RORA: variants seen among roughly 807,000 people sequenced by gnomAD.
The protein encoded by RORA is RAR related orphan receptor A.
In RORA, 7 loss-of-function variants were observed where a neutral mutation model predicts 69.5. That is an observed-to-expected ratio of 0.10 (90% CI 0.06 to 0.19). RORA has a LOEUF of 0.19. Among genes scored for constraint, RORA ranks in the 10% least tolerant of loss-of-function variants. The probability of loss-of-function intolerance (pLI) is 1.00; values close to 1 mark genes in which losing one functional copy is unlikely to be tolerated. For synonymous variants in RORA, 261 were observed against 240.8 expected, an observed-to-expected ratio of 1.08 and a Z score of -0.78; for missense variants, 457 against 663.0, an observed-to-expected ratio of 0.69 and a Z score of 3.41.
At chr15:60,529,088 A>G (rs1483877445) in intron 3 of RORA, 3 of 152,236 alleles carry the variant, frequency 2.0e-5, no homozygotes, top group Admixed American at 6.5e-5. Context: ...TATTTCAGCA[A>G]TTAAACAGGT....
At chr15:61,063,089 A>C (rs907156513) in intron 1 of RORA, among the ~76,000 whole-genome samples, 1 of 152,226 alleles carries the variant, frequency 6.6e-6, no homozygotes, top group Non-Finnish European at 1.5e-5. Context: ...GGAGAACACA[A>C]CTGCAGTTGC....
Position 61,107,018 on chromosome 15 carries a change from G to C in RORA, c.166+122035C>G, listed in dbSNP as rs114580798. The stretch of plus-strand genomic sequence containing the variant: ...CCTCTCCTCCTACACACATCATCCT[G>C]AACATGGTCACTGAGCAGCCAGCAT... On this transcript the variant is annotated intron_variant, in intron 1 of 10. Coordinates refer to ENST00000335670, the MANE Select transcript of RORA (RefSeq NM_134261.3). Among the ~76,000 whole-genome samples the C allele has an allele frequency of 5.2e-3, 794 of 152,242 alleles. 3 individuals carry two copies. Among genetic ancestry groups the C allele is most frequent in the Middle Eastern group, 0.02 (6 of 294 alleles).
intron 1 of RORA, among the ~76,000 whole-genome samples, chr15:60,984,244 A>T (rs1277630927): frequency 6.6e-6 from 1 of 152,128 alleles, no homozygotes; most frequent in African/African-American, 2.4e-5. Context: ...TAAAAATTAC[A>T]CTTTCCCTAT....
chr15:61,106,291 G>C (rs933838993), intron 1 of RORA, among the ~76,000 whole-genome samples: 2 of 152,178 alleles, frequency 1.3e-5, no homozygotes, highest in Non-Finnish European at 2.9e-5. Flanking sequence ...AGTATAGCCA[G>C]ACAGGAAAGA....
At chr15:60,688,423 T>C (rs1055294659) in intron 1 of RORA, among the ~76,000 whole-genome samples, 2 of 152,156 alleles carry the variant, frequency 1.3e-5, no homozygotes, top group African/African-American at 4.8e-5. Flanking sequence ...GAAAGAAAAG[T>C]TAATATTAAA....
chr15:60,527,453 T>C (rs1178549120), intron 3 of RORA, among the ~76,000 whole-genome samples: 1 of 152,264 alleles, frequency 6.6e-6, no homozygotes, highest in Non-Finnish European at 1.5e-5. Context: ...AGTGTTACCA[T>C]GGCCTTTTCT....
chr15:60,513,508 A>G (rs1436410722), intron 4 of RORA, among the ~76,000 whole-genome samples: 1 of 152,222 alleles, frequency 6.6e-6, no homozygotes, highest in Admixed American at 6.5e-5. Flanking sequence ...CCAGCTCTTG[A>G]GAAAATGCAC....
chr15:60,760,678 A>G (rs1278004377), intron 1 of RORA, among the ~76,000 whole-genome samples: 1 of 152,204 alleles, frequency 6.6e-6, no homozygotes, highest in Non-Finnish European at 1.5e-5. Flanking sequence ...AGTGCTGTGA[A>G]AATGCTAGGG....
intron 1 of RORA, among the ~76,000 whole-genome samples, chr15:60,989,273 A>T (rs1356571222): frequency 2.0e-5 from 3 of 152,136 alleles, no homozygotes; most frequent in Admixed American, 2.0e-4. Context: ...TTTTGTCTCT[A>T]TGGATTTGCC....
chr15:60,627,201 T>C, intron 2 of RORA: 2 of 1,596,170 alleles, frequency 1.3e-6, no homozygotes, highest in Non-Finnish European at 1.7e-6. Context: ...TACACAGTGA[T>C]CAGCAGAGCA....
chr15:60,850,665 G>A (rs977527631), intron 1 of RORA, among the ~76,000 whole-genome samples: 2 of 152,144 alleles, frequency 1.3e-5, no homozygotes, highest in African/African-American at 4.8e-5. Flanking sequence ...AGACAGAGCA[G>A]AGCTGGTTTC....
intron 1 of RORA, among the ~76,000 whole-genome samples, chr15:60,949,258 T>C (rs1893004392): frequency 1.3e-5 from 2 of 152,290 alleles, no homozygotes; most frequent in East Asian, 1.9e-4. Flanking sequence ...CCAGCCAAAC[T>C]GTCTCCTACT....
intron 1 of RORA, among the ~76,000 whole-genome samples, chr15:61,117,832 A>G (rs1409008710): frequency 6.6e-6 from 1 of 152,216 alleles, no homozygotes; most frequent in Non-Finnish European, 1.5e-5. Flanking sequence ...TGCAATAACG[A>G]TAGACATATT....
intron 1 of RORA, among the ~76,000 whole-genome samples, chr15:61,199,992 T>C (rs1382341455): frequency 6.6e-6 from 1 of 152,208 alleles, no homozygotes; most frequent in Non-Finnish European, 1.5e-5. Context: ...TCCAAGACCT[T>C]GTTTTGCAGG....
At chr15:61,164,961 C>T (rs1274646004) in intron 1 of RORA, among the ~76,000 whole-genome samples, 3 of 152,132 alleles carry the variant, frequency 2.0e-5, no homozygotes, top group Non-Finnish European at 4.4e-5. Context: ...GACAGATCGG[C>T]AGCTTTACCC....
intron 1 of RORA, among the ~76,000 whole-genome samples, chr15:60,863,090 C>T (rs556502241): frequency 5.3e-5 from 8 of 152,288 alleles, no homozygotes; most frequent in African/African-American, 1.9e-4. Flanking sequence ...TAAACAGTTT[C>T]TTGGGTCTAT....
chr15:60,614,823 A>T (rs1048403552), intron 2 of RORA: 4 of 1,193,886 alleles, frequency 3.4e-6, no homozygotes, highest in Admixed American at 1.9e-5. Flanking sequence ...ACACACGCAC[A>T]TGCAGACAGA....
At chr15:60,779,939 C>G (rs1283296332) in intron 1 of RORA, among the ~76,000 whole-genome samples, 1 of 152,188 alleles carries the variant, frequency 6.6e-6, no homozygotes, top group African/African-American at 2.4e-5. Context: ...ATCAGAAACA[C>G]ATTTCCTCAT....
At chr15:61,219,058 G>A (rs1017750009) in intron 1 of RORA, among the ~76,000 whole-genome samples, 3 of 152,164 alleles carry the variant, frequency 2.0e-5, no homozygotes, top group Admixed American at 2.0e-4. Context: ...CACTAAATCA[G>A]AGCATGAGAC....
Sources: gnomAD v4.1 joint callset for allele counts (sites outside exome capture counted in the v4.1 genomes callset) on GRCh38, gnomAD v4.1.1 for gene constraint, MANE v1.5 for transcripts, NCBI Gene and HGNC (gene_info 2026-07-23, HGNC 2026-07-21) for gene names.